CUX2: variants seen among roughly 807,000 people sequenced by gnomAD.
CUX2 encodes cut like homeobox 2.
A neutral mutation model predicts 144.8 loss-of-function variants in CUX2; 40 were observed. The observed-to-expected ratio is 0.28, with a 90% CI of 0.21 to 0.36. CUX2 has a LOEUF of 0.36. Ranked by LOEUF, CUX2 falls within the 10% of genes least tolerant of loss-of-function variation. The probability of loss-of-function intolerance (pLI) is 1.00; values close to 1 mark genes in which losing one functional copy is unlikely to be tolerated. For synonymous variants in CUX2, 827 were observed against 875.6 expected (o/e 0.94, Z 0.98); for missense variants, 1,615 against 1,994.0 (o/e 0.81, Z 3.62).
chr12:111,233,164 A>G (rs888812955), intron 3 of CUX2, among the ~76,000 whole-genome samples: 1 of 152,188 alleles, frequency 6.6e-6, no homozygotes, highest in Non-Finnish European at 1.5e-5. Flanking sequence ...CTGAAAGCCA[A>G]TGAGAGGTGG....
rs1166061329 is a variant in CUX2 at position 111,061,521 on chromosome 12, A to G, written c.63+27281A>G. On this transcript the variant is annotated intron_variant, in intron 1 of 21. Transcript: ENST00000261726. The surrounding 1 kb of genome is among the most constrained non-coding windows in gnomAD (Gnocchi z 4.2). Reference sequence around the variant, plus strand: ...CTTTACAAATAGAGAAAAGAGGAAGAAGGAGACTGGAAGAACACCCTTTGG... The same window carrying G: ...CTTTACAAATAGAGAAAAGAGGAAGGAGGAGACTGGAAGAACACCCTTTGG... 6.6e-6 allele frequency among the ~76,000 whole-genome samples: 1 copy of G among 152,170 alleles called. No individual in the cohort carries two copies. Among genetic ancestry groups the G allele is most frequent in the Non-Finnish European group, 1.5e-5 (1 of 68,034 alleles).
At chr12:111,292,615 G>A (rs916972331) in intron 5 of CUX2, among the ~76,000 whole-genome samples, 7 of 151,972 alleles carry the variant, frequency 4.6e-5, no homozygotes, top group African/African-American at 1.7e-4. Context: ...AGAAAACATG[G>A]TGCTGAGTGG....
At chr12:111,071,746 GTCCATGA>G (rs750058040) in intron 1 of CUX2, among the ~76,000 whole-genome samples, 5 of 152,182 alleles carry the variant, frequency 3.3e-5, no homozygotes, top group Admixed American at 6.5e-5. Context: ...TTACATTTAG[GTCCATGA>G]TCCATTTTGA....
chr12:111,187,328 T>A (rs1879608061), intron 1 of CUX2, among the ~76,000 whole-genome samples: 1 of 152,150 alleles, frequency 6.6e-6, no homozygotes, highest in South Asian at 2.1e-4. Context: ...TGCCCCCTCA[T>A]AACGGACTCT....
Position 111,249,011 on chromosome 12 carries a change from G to A in CUX2, c.223-14750G>A, listed in dbSNP as rs554284722. Among the ~76,000 whole-genome samples the A allele has an allele frequency of 2.0e-5, 3 of 152,304 alleles. No homozygotes were observed. The South Asian group carries it at 6.2e-4, about 32-fold the overall frequency. On this transcript the variant is annotated intron_variant, in intron 3 of 21. Coordinates refer to ENST00000261726, the MANE Select transcript of CUX2 (RefSeq NM_015267.4). ...AACACTGGAGGGTCCAAGAAAATAT[G>A]TTGTCCATGGGGTGCATCTGGCCGT...
At chr12:111,228,312 T>C (rs1882281664) in intron 3 of CUX2, among the ~76,000 whole-genome samples, 1 of 152,160 alleles carries the variant, frequency 6.6e-6, no homozygotes, top group Admixed American at 6.5e-5. Context: ...ATGCAGGGGA[T>C]TGGTTCCAGG....
At chr12:111,198,277 A>G (rs1880363606) in intron 1 of CUX2, among the ~76,000 whole-genome samples, 1 of 152,032 alleles carries the variant, frequency 6.6e-6, no homozygotes, top group African/African-American at 2.4e-5. Flanking sequence ...GGAGTTTGAG[A>G]CCAGCCTGGC....
chr12:111,202,474 G>A (rs1880657716), intron 1 of CUX2, among the ~76,000 whole-genome samples: 1 of 152,256 alleles, frequency 6.6e-6, no homozygotes, highest in Admixed American at 6.5e-5. Flanking sequence ...CTGCACAGGA[G>A]CAGGCTTGTT....
At chr12:111,099,751 G>C in intron 1 of CUX2, 1 of 450,494 alleles carries the variant, frequency 2.2e-6, no homozygotes. Flanking sequence ...TGCACGGATG[G>C]TGTAAAATCA....
chr12:111,122,218 C>CT (rs1157176556), intron 1 of CUX2, among the ~76,000 whole-genome samples: 2 of 152,234 alleles, frequency 1.3e-5, no homozygotes. Flanking sequence ...TCTACATTCT[C>CT]TCCCCCACCC....
intron 1 of CUX2, among the ~76,000 whole-genome samples, chr12:111,136,762 G>A (rs1875913194): frequency 6.6e-6 from 1 of 152,174 alleles, no homozygotes; most frequent in Non-Finnish European, 1.5e-5. Flanking sequence ...TGGGAGCCTG[G>A]CTCCAAGACC....
Position 111,218,765 on chromosome 12 carries a change from C to A in CUX2, c.222+828C>A, listed in dbSNP as rs115839468. Among the ~76,000 whole-genome samples, 766 of 152,318 alleles carry A rather than the reference C, an allele frequency of 5.0e-3. 6 individuals carry two copies. The highest frequency in any genetic ancestry group is 0.017 in the African/African-American group (691 of 41,576). ...GTATAAAAGTGACATTGTCCACATT[C>A]TTTCCTGCCGACCCGCTGAGCCCTA... On this transcript the variant is annotated intron_variant, in intron 3 of 21. Transcript: ENST00000261726.
chr12:111,280,545 G>T (rs1276600984), intron 4 of CUX2, among the ~76,000 whole-genome samples: 1 of 152,160 alleles, frequency 6.6e-6, no homozygotes, highest in Non-Finnish European at 1.5e-5. Context: ...CAAACTGGGT[G>T]GTTTAAAGCA....
At chr12:111,329,206 G>A (rs1283595428) in intron 18 of CUX2, among the ~76,000 whole-genome samples, 2 of 150,946 alleles carry the variant, frequency 1.3e-5, no homozygotes, top group African/African-American at 2.4e-5. Context: ...AAAGTCGCGG[G>A]CAGACTGGGA....
chr12:111,035,586 A>T lies in CUX2; in HGVS notation c.63+1346A>T, dbSNP rs1366173897. 6.7e-6 allele frequency among the ~76,000 whole-genome samples: 1 copy of T among 148,712 alleles called. No individual in the cohort carries two copies. Among genetic ancestry groups the T allele is most frequent in the Non-Finnish European group, 1.5e-5 (1 of 67,664 alleles). On this transcript the variant is annotated intron_variant, in intron 1 of 21. Coordinates refer to ENST00000261726, the MANE Select transcript of CUX2 (RefSeq NM_015267.4). This position sits in a 1 kb window ranked among gnomAD's most constrained non-coding sequence, Gnocchi z 6.0. ...TGACATTCGCGGAAGACGCGAGATC[A>T]TCAGTCTGGAGATAAAAAGGGACCC...
chr12:111,116,851 G>A (rs1874334819), intron 1 of CUX2, among the ~76,000 whole-genome samples: 2 of 152,178 alleles, frequency 1.3e-5, no homozygotes, highest in Non-Finnish European at 2.9e-5. Flanking sequence ...ATGTTTCTAT[G>A]GTGCACTATC....
intron 4 of CUX2, among the ~76,000 whole-genome samples, chr12:111,267,422 G>A (rs1398626542): frequency 3.3e-5 from 5 of 152,098 alleles, no homozygotes; most frequent in African/African-American, 9.7e-5. Flanking sequence ...CAAGCAACTC[G>A]CTTCTCTGTG....
chr12:111,088,382 C>T (rs1872362901), intron 1 of CUX2, among the ~76,000 whole-genome samples: 1 of 152,120 alleles, frequency 6.6e-6, no homozygotes, highest in African/African-American at 2.4e-5. Flanking sequence ...ATGGGAGCTA[C>T]CACGCCCAGC....
intron 1 of CUX2, among the ~76,000 whole-genome samples, chr12:111,137,234 C>T (rs2136118107): frequency 6.6e-6 from 1 of 152,220 alleles, no homozygotes; most frequent in Non-Finnish European, 1.5e-5. Context: ...CACTCCCATC[C>T]AAAATCCACT....
Sources: gnomAD v4.1 joint callset for allele counts (sites outside exome capture counted in the v4.1 genomes callset) on GRCh38, gnomAD v4.1.1 for gene constraint, Gnocchi (gnomAD v3.1) non-coding constraint, MANE v1.5 for transcripts, NCBI Gene and HGNC (gene_info 2026-07-23, HGNC 2026-07-21) for gene names.